Variants in MIX23 observed in about 807,000 individuals in gnomAD.
MIX23 encodes protein MIX23.
MIX23 carries 13 observed loss-of-function variants against 21.6 expected under a neutral mutation model. The ratio of observed to expected loss-of-function variants is 0.60; its 90% CI spans 0.39 to 0.96. The LOEUF is 0.96. Ranked by LOEUF, MIX23 falls within the 40% of genes least tolerant of loss-of-function variation. The probability of loss-of-function intolerance (pLI) is 0.00; values close to 1 mark genes in which losing one functional copy is unlikely to be tolerated. For synonymous variants in MIX23, 59 were observed against 58.0 expected, an observed-to-expected ratio of 1.02 and a Z score of -0.08; for missense variants, 144 against 171.2, an observed-to-expected ratio of 0.84 and a Z score of 0.89.
intron 1 of MIX23, among the ~76,000 whole-genome samples, chr3:122,375,921 T>G (rs1052500316): frequency 1.3e-5 from 2 of 152,010 alleles, no homozygotes; most frequent in African/African-American, 4.8e-5. Flanking sequence ...CGCCTGACTT[T>G]GGGAGGCCAA....
chr3:122,373,145 C>A, intron 1 of MIX23: 1 of 301,872 alleles, frequency 3.3e-6, no homozygotes, highest in South Asian at 3.3e-5. Flanking sequence ...TTTAATATGT[C>A]CCTTTGGTCT....
At chr3:122,377,980 C>A (rs533466606) in intron 1 of MIX23, among the ~76,000 whole-genome samples, 1 of 152,224 alleles carries the variant, frequency 6.6e-6, no homozygotes, top group African/African-American at 2.4e-5. Context: ...CTTAAGTACA[C>A]AGAGAAAGAT....
Position 122,371,595 on chromosome 3 carries a change from G to A in MIX23, c.177+80C>T, listed in dbSNP as rs541482051. On this transcript the variant is annotated intron_variant, in intron 2 of 4. Transcript: ENST00000291458. ...AGATGTCATTCCTTTAGTCACAGTC[G>A]AGTTACAAGATAACTGATTTCTTAT... 274 of 1,469,378 alleles carry A rather than the reference G, an allele frequency of 1.9e-4. 2 individuals are homozygous for A. The highest frequency in any genetic ancestry group is 1.4e-3 in the African/African-American group (99 of 71,748). The allele number at this position is 1,469,378 out of a possible 1,614,324, so 91.0% of individuals were successfully genotyped here.
chr3:122,360,685 T>C (rs959187677), intron 4 of MIX23, among the ~76,000 whole-genome samples: 3 of 152,134 alleles, frequency 2.0e-5, no homozygotes, highest in African/African-American at 4.8e-5. Flanking sequence ...AAAGAATTTT[T>C]TCTCAGAATT....
chr3:122,380,780 G>A (rs936719765), intron 1 of MIX23, among the ~76,000 whole-genome samples: 2 of 152,186 alleles, frequency 1.3e-5, no homozygotes, highest in Admixed American at 1.3e-4. Flanking sequence ...ATGGAGATTA[G>A]ATTGAAGGGG....
intron 3 of MIX23, chr3:122,366,394 A>G (rs1170742361): frequency 6.6e-6 from 1 of 152,238 alleles, no homozygotes; most frequent in African/African-American, 2.4e-5. Flanking sequence ...TCCTGGATCC[A>G]GTGAGACATC....
intron 1 of MIX23, among the ~76,000 whole-genome samples, chr3:122,374,096 T>G (rs1244022675): frequency 7.0e-6 from 1 of 143,012 alleles, no homozygotes; most frequent in Non-Finnish European, 1.5e-5. Context: ...CTCCTATGAC[T>G]GGCCTATTTT....
chr3:122,367,578 TG>T (rs2107679194), intron 3 of MIX23, among the ~76,000 whole-genome samples: 1 of 152,172 alleles, frequency 6.6e-6, no homozygotes, highest in South Asian at 2.1e-4. Context: ...GGGGAGGAAA[TG>T]GGAAAAAGTC....
intron 4 of MIX23, among the ~76,000 whole-genome samples, chr3:122,361,912 C>T (rs2107675164): frequency 6.6e-6 from 1 of 152,274 alleles, no homozygotes; most frequent in South Asian, 2.1e-4. Flanking sequence ...TTCAGCTAAC[C>T]TCTCTTATAA....
chr3:122,381,728 T>TAAAAAAAAAAAAA (rs55955834), intron 1 of MIX23, among the ~76,000 whole-genome samples: 4 of 130,332 alleles, frequency 3.1e-5, no homozygotes, highest in Non-Finnish European at 3.3e-5. Flanking sequence ...AAAAAAAAAA[T>TAAAAAAAAAAAAA]AAAAAAAAAA....
chr3:122,369,550 AAAATTAAGCTTTACTTGAT>A (rs1489864578), intron 2 of MIX23, among the ~76,000 whole-genome samples: 3 of 152,224 alleles, frequency 2.0e-5, no homozygotes, highest in African/African-American at 7.2e-5. Context: ...AGCTACTTGA[AAAATTAAGCTTTACTTGAT>A]ATACATGTTG....
At chr3:122,381,142 C>A (rs2075528008) in intron 1 of MIX23, among the ~76,000 whole-genome samples, 1 of 152,188 alleles carries the variant, frequency 6.6e-6, no homozygotes, top group African/African-American at 2.4e-5. Context: ...TAAGGCCCAA[C>A]TCTCTAAATT....
intron 1 of MIX23, among the ~76,000 whole-genome samples, 200 bp downstream of exon 1, chr3:122,382,973 AC>A (rs1168645428): frequency 6.6e-6 from 1 of 151,562 alleles, no homozygotes; most frequent in Non-Finnish European, 1.5e-5. Flanking sequence ...GAGAACTATG[AC>A]CCCCCTCCTC....
chr3:122,371,575 T>G (rs575724944), intron 2 of MIX23, 100 bp downstream of exon 2: 1 of 1,355,034 alleles, frequency 7.4e-7, no homozygotes, highest in Admixed American at 1.8e-5. Context: ...AGAAAAGATG[T>G]CATTCCTTTA....
intron 1 of MIX23, among the ~76,000 whole-genome samples, chr3:122,376,852 T>C (rs1445103917): frequency 6.6e-6 from 1 of 152,092 alleles, no homozygotes; most frequent in African/African-American, 2.4e-5. Context: ...AAAAATTACC[T>C]GTTGGGTACT....
At chr3:122,362,488 T>G (rs1164496646) in intron 4 of MIX23, among the ~76,000 whole-genome samples, 1 of 144,160 alleles carries the variant, frequency 6.9e-6, no homozygotes, top group Non-Finnish European at 1.5e-5. Flanking sequence ...TTTGTTTTGG[T>G]TTTTTTTTTT....
chr3:122,368,383 G>A, intron 2 of MIX23, 61 bp from the exon 3 acceptor site: 2 of 1,457,834 alleles, frequency 1.4e-6, no homozygotes, highest in South Asian at 1.4e-5. Flanking sequence ...ACATTTTAGT[G>A]TTTTTCAAAA....
chr3:122,371,597 G>T, intron 2 of MIX23, 78 bp downstream of exon 2: 1 of 1,495,226 alleles, frequency 6.7e-7, no homozygotes, highest in South Asian at 1.1e-5. Context: ...TCACAGTCGA[G>T]TTACAAGATA....
chr3:122,372,587 T>C (rs1246987805), intron 1 of MIX23, among the ~76,000 whole-genome samples: 1 of 152,188 alleles, frequency 6.6e-6, no homozygotes, highest in African/African-American at 2.4e-5. Context: ...TTTAGGAGGC[T>C]GAGGCAGGAG....
Sources: gnomAD v4.1 joint callset for allele counts (sites outside exome capture counted in the v4.1 genomes callset) on GRCh38, gnomAD v4.1.1 for gene constraint, MANE v1.5 for transcripts, NCBI Gene and HGNC (gene_info 2026-07-23, HGNC 2026-07-21) for gene names.